FAM174A: variants seen among roughly 807,000 people sequenced by gnomAD.
FAM174A encodes membrane protein FAM174A.
A neutral mutation model predicts 14.3 loss-of-function variants in FAM174A; 14 were observed. That is an observed-to-expected ratio of 0.98 (90% CI 0.65 to 1.53). The LOEUF is 1.53. Ranked by LOEUF, FAM174A falls within the 40% of genes most tolerant of loss-of-function variation. FAM174A has a pLI of 0.00. For missense variants in FAM174A, 241 were observed against 249.6 expected, an observed-to-expected ratio of 0.97 and a Z score of 0.23; for synonymous variants, 108 against 111.4, an observed-to-expected ratio of 0.97 and a Z score of 0.19.
intron 1 of FAM174A, among the ~76,000 whole-genome samples, chr5:100,550,928 A>G (rs1746250143): frequency 6.6e-6 from 1 of 152,112 alleles, no homozygotes; most frequent in Non-Finnish European, 1.5e-5. Flanking sequence ...GCAAAGAACA[A>G]GATGAGGCTA....
intron 2 of FAM174A, among the ~76,000 whole-genome samples, chr5:100,567,326 C>G (rs1195563272): frequency 6.6e-6 from 1 of 151,660 alleles, no homozygotes; most frequent in Non-Finnish European, 1.5e-5. Flanking sequence ...TTGCCAAGCA[C>G]TGGTCTATGT....
chr5:100,571,420 T>C (rs1474985836), intron 2 of FAM174A, among the ~76,000 whole-genome samples: 3 of 151,552 alleles, frequency 2.0e-5, no homozygotes, highest in African/African-American at 7.2e-5. Context: ...TCTCATGTAA[T>C]TGTAAATTGC....
intron 2 of FAM174A, among the ~76,000 whole-genome samples, chr5:100,574,531 T>C (rs1746861554): frequency 6.6e-6 from 1 of 152,164 alleles, no homozygotes; most frequent in Admixed American, 6.6e-5. Flanking sequence ...TTGGTCCAGC[T>C]TTCATTCTTG....
At chr5:100,573,233 C>G (rs1746829546) in intron 2 of FAM174A, among the ~76,000 whole-genome samples, 1 of 151,806 alleles carries the variant, frequency 6.6e-6, no homozygotes, top group East Asian at 1.9e-4. Context: ...GTTTCTTTTG[C>G]TGTGCAGAAG....
At chr5:100,581,293 G>A (rs748583111) in intron 2 of FAM174A, 14 of 774,646 alleles carry the variant, frequency 1.8e-5, no homozygotes, top group Non-Finnish European at 2.2e-5. Context: ...TCTCCAGAGA[G>A]TAGGAATCCT....
At chr5:100,547,994 A>C (rs1028705217) in intron 1 of FAM174A, among the ~76,000 whole-genome samples, 3 of 152,054 alleles carry the variant, frequency 2.0e-5, no homozygotes, top group African/African-American at 7.2e-5. Context: ...TAGTATCTTA[A>C]GCAGGAAGGA....
chr5:100,573,469 A>G (rs1030104204), intron 2 of FAM174A, among the ~76,000 whole-genome samples: 1 of 152,072 alleles, frequency 6.6e-6, no homozygotes, highest in Non-Finnish European at 1.5e-5. Context: ...CTTTCTACAT[A>G]TGGCTAGCCA....
At chr5:100,556,560 C>A (rs1264242963) in intron 1 of FAM174A, among the ~76,000 whole-genome samples, 1 of 152,166 alleles carries the variant, frequency 6.6e-6, no homozygotes. Flanking sequence ...GATATTGATT[C>A]TTCCTACCCA....
intron 2 of FAM174A, among the ~76,000 whole-genome samples, chr5:100,582,010 A>G (rs987834878): frequency 1.3e-5 from 2 of 152,152 alleles, no homozygotes; most frequent in African/African-American, 4.8e-5. Flanking sequence ...AATCTTTTAG[A>G]TATTCCTCAG....
At chr5:100,544,297 G>A (rs539756407) in intron 1 of FAM174A, among the ~76,000 whole-genome samples, 5 of 152,100 alleles carry the variant, frequency 3.3e-5, no homozygotes, top group Admixed American at 1.3e-4. Context: ...AGTCAAGGTC[G>A]TACCCCTGCA....
In FAM174A at chr5:100,535,794, G is replaced by C. The variant is rs760994288; in HGVS notation, c.264G>C (p.Val88=). Residue 88 remains valine, a synonymous_variant, in exon 1 of 3, where the codon GTG becomes GTC. Transcript: ENST00000312637. ...AGGGAGGCAATGGCAGCAACCCTGTGGCCGGGCTTGAGACGGACGATCACG... is the reference window on the plus strand; with the variant it reads ...AGGGAGGCAATGGCAGCAACCCTGTCGCCGGGCTTGAGACGGACGATCACG... ...GSEGGNGSNP[V]AGLETDDHGG... is the part of the protein sequence containing the mutation. 1.2e-6 allele frequency: 2 copies of C among 1,608,496 alleles called. No individual in the cohort carries two copies. The highest frequency in any genetic ancestry group is 1.1e-5 in the South Asian group (1 of 90,918).
At chr5:100,540,517 A>G (rs891451786) in intron 1 of FAM174A, among the ~76,000 whole-genome samples, 1 of 152,188 alleles carries the variant, frequency 6.6e-6, no homozygotes, top group African/African-American at 2.4e-5. Flanking sequence ...TGTTTTCTAT[A>G]TAAAGAGACC....
In FAM174A at chr5:100,586,217, T is replaced by C; in HGVS notation, c.*33T>C. 7.1e-7 allele frequency: 1 copy of C among 1,407,926 alleles called. No homozygotes were observed. Among genetic ancestry groups the C allele is most frequent in the Non-Finnish European group, 9.8e-7 (1 of 1,023,010 alleles). The allele number at this position is 1,407,926 out of a possible 1,614,324, so 87.2% of individuals were successfully genotyped here. A position where few individuals can be genotyped will look rare whatever the true frequency, so the allele number is the denominator to read the frequency against. ...CCTTTTGATGAAAGAACTTTATCTT[T>C]CTACAATGAAGAGTGGAATTTCTAT... is the stretch of plus-strand genomic sequence containing the variant. On this transcript the variant is annotated 3_prime_UTR_variant, in exon 3 of 3. Transcript: ENST00000312637.
intron 2 of FAM174A, among the ~76,000 whole-genome samples, chr5:100,579,670 C>T (rs1746971616): frequency 6.6e-6 from 1 of 152,130 alleles, no homozygotes; most frequent in Non-Finnish European, 1.5e-5. Context: ...AGGTAATCTA[C>T]CCACCTCAGT....
rs575428770 is a variant in FAM174A at position 100,564,534 on chromosome 5, G to T, written c.569+2346G>T. ...TTAGCAGAACGAGGGAAATAATTAA[G>T]ATTATAATAGAAATACATTAAATAG... On this transcript the variant is annotated intron_variant, in intron 2 of 2. Coordinates refer to ENST00000312637, the MANE Select transcript of FAM174A (RefSeq NM_198507.3). Among the ~76,000 whole-genome samples the T allele has an allele frequency of 6.6e-5, 10 of 151,814 alleles. No homozygotes were observed. In the East Asian group the frequency reaches 1.9e-3, roughly 29 times the overall value.
intron 2 of FAM174A, among the ~76,000 whole-genome samples, chr5:100,572,062 T>G (rs993496115): frequency 8.5e-5 from 13 of 152,060 alleles, no homozygotes; most frequent in Non-Finnish European, 1.6e-4. Flanking sequence ...ATTAATTTTT[T>G]TAAGAACTGT....
intron 1 of FAM174A, among the ~76,000 whole-genome samples, chr5:100,554,971 A>G (rs1474646118): frequency 6.6e-6 from 1 of 151,936 alleles, no homozygotes; most frequent in Admixed American, 6.6e-5. Flanking sequence ...GTACATGTGC[A>G]CAACATGCAG....
intron 1 of FAM174A, among the ~76,000 whole-genome samples, chr5:100,558,738 T>C (rs1746454416): frequency 6.6e-6 from 1 of 152,182 alleles, no homozygotes; most frequent in Non-Finnish European, 1.5e-5. Context: ...AAAGTCTGTT[T>C]TATCAGAGAC....
intron 1 of FAM174A, among the ~76,000 whole-genome samples, chr5:100,547,037 T>G (rs1746176840): frequency 6.6e-6 from 1 of 152,170 alleles, no homozygotes; most frequent in Non-Finnish European, 1.5e-5. Flanking sequence ...TCTTCCATAT[T>G]GACTTCCCAA....
Sources: gnomAD v4.1 joint callset for allele counts (sites outside exome capture counted in the v4.1 genomes callset) on GRCh38, gnomAD v4.1.1 for gene constraint, MANE v1.5 for transcripts, NCBI Gene and HGNC (gene_info 2026-07-23, HGNC 2026-07-21) for gene names.